Variants in DIP2C observed in about 807,000 individuals in gnomAD.
DIP2C encodes the protein disco-interacting protein 2 homolog C.
Under a neutral mutation model 192.4 loss-of-function variants are expected in DIP2C, and 33 were observed. The observed-to-expected ratio is 0.17, with a 90% confidence interval of 0.13 to 0.23. The LOEUF (loss-of-function observed/expected upper bound fraction) is 0.23. Ranked by LOEUF, DIP2C falls within the 10% of genes least tolerant of loss-of-function variation. The pLI is 1.00. For missense variants in DIP2C, 1,537 were observed against 2,110.1 expected, an observed-to-expected ratio of 0.73 and a Z score of 5.32; for synonymous variants, 979 against 864.1, an observed-to-expected ratio of 1.13 and a Z score of -2.33.
chr10:365,290 T>C (rs1381847034), intron 19 of DIP2C, among the ~76,000 whole-genome samples: 1 of 152,214 alleles, frequency 6.6e-6, no homozygotes, highest in Non-Finnish European at 1.5e-5. Context: ...CCCGGCACTT[T>C]AGGAGGCTAA....
intron 1 of DIP2C, among the ~76,000 whole-genome samples, chr10:560,589 A>T (rs1234811402): frequency 1.3e-5 from 2 of 152,216 alleles, no homozygotes; most frequent in African/African-American, 4.8e-5. Context: ...GTTTGCTGAT[A>T]ACTTAATAAT....
Position 653,855 on chromosome 10 carries a change from T to C in DIP2C, c.85+35639A>G, listed in dbSNP as rs138539678. Among the ~76,000 whole-genome samples the C allele has an allele frequency of 4.1e-3, 617 of 152,334 alleles. 2 individuals are homozygous for C. The highest frequency in any genetic ancestry group is 6.8e-3 in the Middle Eastern group (2 of 294). On this transcript the variant is annotated intron_variant, in intron 1 of 36. Coordinates refer to ENST00000280886, the MANE Select transcript of DIP2C (RefSeq NM_014974.3). ...CCTTGAGAAACCAAAGTTCTCTTTG[T>C]AACAGACTTGAGAAAGACACTCAGA...
chr10:428,752 A>T (rs1388726596), intron 4 of DIP2C, among the ~76,000 whole-genome samples: 1 of 152,000 alleles, frequency 6.6e-6, no homozygotes, highest in African/African-American at 2.4e-5. Flanking sequence ...TTCTTATATT[A>T]CAAGGATATT....
chr10:514,663 C>T (rs1212276871), intron 1 of DIP2C, among the ~76,000 whole-genome samples: 1 of 152,198 alleles, frequency 6.6e-6, no homozygotes, highest in African/African-American at 2.4e-5. Flanking sequence ...CTCACCACTG[C>T]TGCCAACACC....
At chr10:381,242 G>A (rs370406859) in intron 17 of DIP2C, among the ~76,000 whole-genome samples, 17 of 152,100 alleles carry the variant, frequency 1.1e-4, no homozygotes, top group Non-Finnish European at 1.3e-4. Flanking sequence ...AGCACTGAAC[G>A]GTTTAAATAT....
At chr10:566,783 C>T (rs1454318204) in intron 1 of DIP2C, among the ~76,000 whole-genome samples, 1 of 152,240 alleles carries the variant, frequency 6.6e-6, no homozygotes, top group African/African-American at 2.4e-5. Context: ...ATCGGACAGA[C>T]AGCCTGGCTC....
intron 4 of DIP2C, among the ~76,000 whole-genome samples, chr10:433,414 T>A (rs564667617): frequency 6.4e-4 from 97 of 152,298 alleles, no homozygotes; most frequent in Admixed American, 1.8e-3. Flanking sequence ...CAGTGGCTCA[T>A]GCCTGTAATC....
At chr10:372,091 T>C (rs1162995367) in intron 17 of DIP2C, among the ~76,000 whole-genome samples, 4 of 137,444 alleles carry the variant, frequency 2.9e-5, no homozygotes, top group Non-Finnish European at 6.2e-5. Context: ...TTTTTTTTTT[T>C]TTGAGACACA....
chr10:609,844 G>A (rs1180356880), intron 1 of DIP2C, among the ~76,000 whole-genome samples: 2 of 152,158 alleles, frequency 1.3e-5, no homozygotes, highest in Non-Finnish European at 2.9e-5. Context: ...CTTGGTCAGT[G>A]CAGCCGGGTA....
At chr10:617,094 G>A (rs1458223346) in intron 1 of DIP2C, among the ~76,000 whole-genome samples, 1 of 152,168 alleles carries the variant, frequency 6.6e-6, no homozygotes, top group Non-Finnish European at 1.5e-5. Context: ...CAGGCCCAGA[G>A]GTGCCCCCAC....
intron 29 of DIP2C, among the ~76,000 whole-genome samples, chr10:339,632 C>A (rs1243845327): frequency 6.6e-6 from 1 of 152,162 alleles, no homozygotes; most frequent in East Asian, 1.9e-4. Context: ...TCAGAACAGA[C>A]CTCTGCCGTT....
chr10:555,205 C>T (rs982446512), intron 1 of DIP2C, among the ~76,000 whole-genome samples: 4 of 148,928 alleles, frequency 2.7e-5, no homozygotes, highest in African/African-American at 1.0e-4. Flanking sequence ...TTTTTTTTCC[C>T]AAGCCATTAC....
chr10:317,827 G>A (rs3125038), intron 31 of DIP2C, among the ~76,000 whole-genome samples: 55,678 of 152,140 alleles, frequency 0.37, 10,455 homozygotes, highest in East Asian at 0.51. Flanking sequence ...CCTAGGGCAC[G>A]TGAGACATCC....
chr10:642,439 G>A (rs570737139), intron 1 of DIP2C, among the ~76,000 whole-genome samples: 27 of 152,354 alleles, frequency 1.8e-4, no homozygotes, highest in African/African-American at 6.0e-4. Flanking sequence ...GGAGCCACAC[G>A]GGGCAGGTCA....
intron 1 of DIP2C, among the ~76,000 whole-genome samples, chr10:655,257 T>C (rs1171850447): frequency 6.6e-6 from 1 of 152,194 alleles, no homozygotes; most frequent in Non-Finnish European, 1.5e-5. Context: ...GACCTTTCCT[T>C]TTCGCTTAAT....
At chr10:602,049 T>C (rs1024878135) in intron 1 of DIP2C, among the ~76,000 whole-genome samples, 1 of 114,810 alleles carries the variant, frequency 8.7e-6, no homozygotes, top group Non-Finnish European at 1.7e-5. Flanking sequence ...CTAAGCCACA[T>C]GGGAAGGGGC....
At chr10:660,808 C>A (rs1468801152) in intron 1 of DIP2C, among the ~76,000 whole-genome samples, 1 of 152,190 alleles carries the variant, frequency 6.6e-6, no homozygotes, top group Non-Finnish European at 1.5e-5. Flanking sequence ...GCAACGGGAT[C>A]CACTATGAGG....
intron 1 of DIP2C, among the ~76,000 whole-genome samples, chr10:524,033 G>C (rs575665747): frequency 5.5e-4 from 84 of 152,288 alleles, no homozygotes; most frequent in African/African-American, 1.5e-3. Flanking sequence ...AGGAGGCCGT[G>C]CAATGGCCCG....
intron 17 of DIP2C, among the ~76,000 whole-genome samples, chr10:376,510 G>C (rs75430022): frequency 0.021 from 3,240 of 151,430 alleles, 126 homozygotes; most frequent in African/African-American, 0.075. Flanking sequence ...GGGTTGGGAG[G>C]GGGGGTCTTC....
Sources: gnomAD v4.1 joint callset for allele counts (sites outside exome capture counted in the v4.1 genomes callset) on GRCh38, gnomAD v4.1.1 for gene constraint, MANE v1.5 for transcripts, NCBI Gene and HGNC (gene_info 2026-07-23, HGNC 2026-07-21) for gene names.